Variants in TRIM66 observed in about 807,000 individuals in gnomAD.
TRIM66 encodes the protein tripartite motif-containing protein 66.
In TRIM66, 99 loss-of-function variants were observed where a neutral mutation model predicts 148.2. The ratio of observed to expected loss-of-function variants is 0.67; its 90% confidence interval spans 0.57 to 0.79. The LOEUF is 0.79. Among genes scored for constraint, TRIM66 ranks in the 30% least tolerant of loss-of-function variants. TRIM66 has a pLI of 0.00. For synonymous variants in TRIM66, 616 were observed against 635.9 expected, an observed-to-expected ratio of 0.97 and a Z score of 0.47; for missense variants, 1,666 against 1,697.9, an observed-to-expected ratio of 0.98 and a Z score of 0.33.
At chr11:8,628,306 T>A (rs2035046783) in intron 15 of TRIM66, among the ~76,000 whole-genome samples, 1 of 152,228 alleles carries the variant, frequency 6.6e-6, no homozygotes, top group South Asian at 2.1e-4. Context: ...ATGTAGATTT[T>A]TTTATAGATT....
intron 21 of TRIM66, 133 bp from the exon 22 acceptor site, chr11:8,620,257 G>T: frequency 7.6e-7 from 1 of 1,313,678 alleles, no homozygotes; most frequent in Non-Finnish European, 1.0e-6. Flanking sequence ...CACAATTCAG[G>T]TTCCCAAGCC....
chr11:8,681,963 T>C (rs540698706), intron 1 of TRIM66, among the ~76,000 whole-genome samples: 2 of 152,210 alleles, frequency 1.3e-5, no homozygotes, highest in Non-Finnish European at 2.9e-5. Flanking sequence ...GGTCTCACTA[T>C]GTTGCCCAGG....
At chr11:8,641,955 A>G (rs1019925533) in intron 13 of TRIM66, among the ~76,000 whole-genome samples, 3 of 152,158 alleles carry the variant, frequency 2.0e-5, no homozygotes, top group Admixed American at 6.5e-5. Flanking sequence ...TTCCAGGATC[A>G]TGCTTCCTGT....
At chr11:8,630,721 CTTT>C (rs775074135) in intron 15 of TRIM66, among the ~76,000 whole-genome samples, 1 of 152,132 alleles carries the variant, frequency 6.6e-6, no homozygotes, top group Admixed American at 6.5e-5. Flanking sequence ...CCTCTTGCCT[CTTT>C]TTTGTCTCCT....
chr11:8,649,730 G>C lies in TRIM66; in HGVS notation c.592+10C>G. Reference sequence around the variant, plus strand: ...GCATGGGAGTGGGCAGGGAGAGGTGGGATTGGTACCTGGAGATCCCTTCTG... The same window carrying C: ...GCATGGGAGTGGGCAGGGAGAGGTGCGATTGGTACCTGGAGATCCCTTCTG... On this transcript the variant is annotated intron_variant, in intron 8 of 24. Coordinates refer to ENST00000646038, the MANE Select transcript of TRIM66 (RefSeq NM_001388022.1). 1 of 1,550,852 alleles carries C rather than the reference G, an allele frequency of 6.4e-7. No homozygotes were observed. Among genetic ancestry groups the C allele is most frequent in the Non-Finnish European group, 8.7e-7 (1 of 1,146,924 alleles).
At chr11:8,681,629 C>A (rs946084702) in intron 1 of TRIM66, among the ~76,000 whole-genome samples, 2 of 147,478 alleles carry the variant, frequency 1.4e-5, no homozygotes, top group Non-Finnish European at 3.0e-5. Flanking sequence ...TTGAAGGAAC[C>A]GACTTAAGAG....
intron 6 of TRIM66, among the ~76,000 whole-genome samples, chr11:8,660,002 C>G (rs1592171652): frequency 6.6e-6 from 1 of 152,134 alleles, no homozygotes; most frequent in Admixed American, 6.5e-5. Context: ...CTCGGCCTCC[C>G]AAGCAGCTGG....
Position 8,648,542 on chromosome 11 carries a change from T to C in TRIM66, c.599A>G (p.Asn200Ser), listed in dbSNP as rs1487360246. 1 of 1,551,546 alleles carries C rather than the reference T, an allele frequency of 6.4e-7. No individual in the cohort carries two copies. The highest frequency in any genetic ancestry group is 1.4e-5 in the African/African-American group (1 of 73,032). Residue 200 changes from asparagine to serine, a missense_variant, in exon 9 of 25, where the codon AAT becomes AGT. Around this residue, in one of 3 missense-constraint regions of TRIM66, gnomAD observed 1,431 missense variants for 1,412.4 expected, o/e 1.01. Coordinates refer to ENST00000646038, the MANE Select transcript of TRIM66 (RefSeq NM_001388022.1). ...CAAGGTGAAGTCTCCGGGACCACCA[T>C]TCACTCCTGCCAGAGAAGACAGAGA... ...PRAQKGSPGVNGGPGDFTLYC... is the reference protein window; with the variant it reads ...PRAQKGSPGVSGGPGDFTLYC...
Position 8,612,082 on chromosome 11 carries a change from T to A in TRIM66, c.*5862A>T, listed in dbSNP as rs2033429454. ...TGTTTTTTATTTGTTCTTGAATGTA[T>A]AGGTTCTTTTAAAATCAGCTATACT... is the stretch of plus-strand genomic sequence containing the variant. On this transcript the variant is annotated 3_prime_UTR_variant, in exon 25 of 25. Transcript: ENST00000646038. 1 of 152,200 alleles carries A rather than the reference T, an allele frequency of 6.6e-6. No homozygotes were observed. The highest frequency in any genetic ancestry group is 1.5e-5 in the Non-Finnish European group (1 of 68,032). The allele number at this position is 152,200 out of a possible 1,614,324, so 9.4% of individuals were successfully genotyped here. A position where few individuals can be genotyped will look rare whatever the true frequency, so the allele number is the denominator to read the frequency against.
At chr11:8,622,624 C>T (rs944075907) in intron 18 of TRIM66, among the ~76,000 whole-genome samples, 192 bp downstream of exon 18, 1 of 151,866 alleles carries the variant, frequency 6.6e-6, no homozygotes, top group Non-Finnish European at 1.5e-5. Context: ...GCGCATGCCT[C>T]GTGGTGCAGG....
chr11:8,641,133 A>C lies in TRIM66; in HGVS notation c.1242T>G (p.Gly414=). 6.4e-7 allele frequency: 1 copy of C among 1,550,888 alleles called. No homozygotes were observed. The highest frequency in any genetic ancestry group is 8.7e-7 in the Non-Finnish European group (1 of 1,146,328). ...GAGCATCTGCCCTGGACATTTGTCC[A>C]CCTTCAGTAGTTATGCAGCCTGAAA... ...LASLGCITTE[G]GQMSRADAPA... Residue 414 remains glycine, a synonymous_variant, in exon 14 of 25, where the codon GGT becomes GGG. Coordinates refer to ENST00000646038, the MANE Select transcript of TRIM66 (RefSeq NM_001388022.1).
intron 7 of TRIM66, 44 bp from the exon 8 acceptor site, chr11:8,649,931 G>A (rs1447355263): frequency 6.5e-7 from 1 of 1,533,538 alleles, no homozygotes; most frequent in Non-Finnish European, 8.8e-7. Flanking sequence ...ATCCTCATTT[G>A]TGTCTGCCTC....
intron 6 of TRIM66, among the ~76,000 whole-genome samples, chr11:8,652,754 G>A (rs554525840): frequency 3.9e-5 from 6 of 152,322 alleles, no homozygotes; most frequent in African/African-American, 9.6e-5. Flanking sequence ...CAGGGATGAG[G>A]GTGATCTGGA....
At position 8,649,889 on chromosome 11, in the gene TRIM66, T is replaced by C. The variant is rs957277819; in HGVS notation, c.445-2A>G. 3 of 1,550,468 alleles carry C rather than the reference T, an allele frequency of 1.9e-6. No individual in the cohort carries two copies. Among genetic ancestry groups the C allele is most frequent in the Non-Finnish European group, 2.6e-6 (3 of 1,145,968 alleles). The stretch of plus-strand genomic sequence containing the variant: ...CTTCTCCTTGCACTCAGAGCAGTTC[T>C]GGAAGCAGAGAGTTCTGGAGTTACT... On this transcript the variant is annotated splice_acceptor_variant, in intron 7 of 24. Coordinates refer to ENST00000646038, the MANE Select transcript of TRIM66 (RefSeq NM_001388022.1). LOFTEE classifies it high-confidence loss of function.
At chr11:8,633,682 C>A (rs1345563645) in intron 15 of TRIM66, among the ~76,000 whole-genome samples, 1 of 152,108 alleles carries the variant, frequency 6.6e-6, no homozygotes, top group African/African-American at 2.4e-5. Context: ...AAAGATTGTC[C>A]CTGAGGTTGA....
chr11:8,672,453 T>C, intron 4 of TRIM66, 68 bp from the exon 5 acceptor site: 1 of 1,416,054 alleles, frequency 7.1e-7, no homozygotes, highest in Non-Finnish European at 9.3e-7. Context: ...GCACTTTACA[T>C]ACTGTATTTC....
intron 20 of TRIM66, 114 bp from the exon 21 acceptor site, chr11:8,620,686 A>G (rs981345619): frequency 1.4e-6 from 2 of 1,436,814 alleles, no homozygotes; most frequent in Non-Finnish European, 1.8e-6. Context: ...TTGCCGTGTA[A>G]GAAATGGCTT....
Position 8,621,661 on chromosome 11 carries a change from G to A in TRIM66, c.3239C>T (p.Ser1080Phe), listed in dbSNP as rs1359163235. Residue 1080 changes from serine (S) to phenylalanine (F), a missense_variant, in exon 19 of 25, where the codon TCC becomes TTC. This residue lies in a region of TRIM66 where 1,431 missense variants were observed against 1,412.4 expected (regional missense o/e 1.01). Transcript: ENST00000646038. ...AAGTGGTACCTTAATGGACATGCTGGAGGACTCAGTGCCACACTCGATGAT... is the reference window on the plus strand; with the variant it reads ...AAGTGGTACCTTAATGGACATGCTGAAGGACTCAGTGCCACACTCGATGAT... ...LLIIECGTES[S>F]SMSIKVSQDR... 6.5e-7 allele frequency: 1 copy of A among 1,540,356 alleles called. No individual in the cohort carries two copies. Among genetic ancestry groups the A allele is most frequent in the Admixed American group, 2.0e-5 (1 of 48,916 alleles).
chr11:8,656,897 G>A (rs929993596), intron 6 of TRIM66, among the ~76,000 whole-genome samples: 1 of 152,216 alleles, frequency 6.6e-6, no homozygotes, highest in East Asian at 1.9e-4. Context: ...CAGACAGGTA[G>A]TGACCTGATA....
Sources: allele counts gnomAD v4.1 joint callset (sites outside exome capture counted in the v4.1 genomes callset), GRCh38; gene constraint gnomAD v4.1.1; regional missense constraint gnomAD v4.1.1; transcripts MANE v1.5; gene names NCBI Gene and HGNC (gene_info 2026-07-23, HGNC 2026-07-21).